RAD50: variants seen among roughly 807,000 people sequenced by gnomAD.
RAD50 encodes DNA repair protein RAD50.
In RAD50, 132 loss-of-function variants were observed where a neutral mutation model predicts 168.8. The observed-to-expected ratio is 0.78, with a 90% CI of 0.68 to 0.90. The LOEUF (loss-of-function observed/expected upper bound fraction) is 0.90, where lower values mean the gene tolerates loss of function less well. Ranked by LOEUF, RAD50 falls within the 40% of genes least tolerant of loss-of-function variation. The pLI is 0.00. For missense variants in RAD50, 1,347 were observed against 1,534.4 expected (o/e 0.88, Z 2.04); for synonymous variants, 525 against 497.4 (o/e 1.06, Z -0.74).
chr5:132,587,666 T>A lies in RAD50; in HGVS notation c.861T>A (p.Ser287Arg), dbSNP rs1042907420. 6.2e-7 allele frequency: 1 copy of A among 1,613,754 alleles called. No homozygotes were observed. Among genetic ancestry groups the A allele is most frequent in the Non-Finnish European group, 8.5e-7 (1 of 1,179,856 alleles). The change falls in exon 6 of 25, where the codon AGT becomes AGA. Residue 287 changes from serine to arginine, a missense_variant. Coordinates refer to ENST00000378823, the MANE Select transcript of RAD50 (RefSeq NM_005732.4). ...AGAAGCAAATGGAGAAAGATAATAG[T>A]GAACTGGAAGAGAAAATGGAAAAGG... ...SRKKQMEKDN[S>R]ELEEKMEKVF...
intron 9 of RAD50, among the ~76,000 whole-genome samples, 165 bp downstream of exon 9, chr5:132,590,002 G>T (rs1393516129): frequency 1.3e-5 from 2 of 152,128 alleles, no homozygotes; most frequent in East Asian, 3.9e-4. Flanking sequence ...CTGACTCTTT[G>T]GTTCTACAAC....
Position 132,643,857 on chromosome 5 carries a change from G to A in RAD50, c.*1493G>A, listed in dbSNP as rs1388362937. On this transcript the variant is annotated 3_prime_UTR_variant, in exon 25 of 25. Transcript: ENST00000378823. ...GATTTCAGAAAATGAAAAATCTGTT[G>A]ATAAATCCATCACTATAATAAAACC... 4 of 231,262 alleles carry A rather than the reference G, an allele frequency of 1.7e-5. No individual in the cohort carries two copies. The highest frequency in any genetic ancestry group is 3.4e-5 in the Non-Finnish European group (4 of 116,962). The allele number at this position is 231,262 out of a possible 1,614,324, so 14.3% of individuals were successfully genotyped here. A position where few individuals can be genotyped will look rare whatever the true frequency, so the allele number is the denominator to read the frequency against.
chr5:132,596,813 A>G (rs1044258269), intron 13 of RAD50, among the ~76,000 whole-genome samples: 10 of 152,240 alleles, frequency 6.6e-5, no homozygotes, highest in African/African-American at 1.9e-4. Context: ...GGAGGAGCCA[A>G]TGGATACAGA....
At chr5:132,588,653 T>C (rs1339864751) in intron 7 of RAD50, 34 bp from the exon 8 acceptor site, 1 of 1,590,998 alleles carries the variant, frequency 6.3e-7, no homozygotes, top group Non-Finnish European at 8.6e-7. Flanking sequence ...AAGCACCAGT[T>C]GAAAAAAAAA....
chr5:132,611,147 T>G (rs1301041327), intron 19 of RAD50, among the ~76,000 whole-genome samples: 1 of 152,122 alleles, frequency 6.6e-6, no homozygotes, highest in African/African-American at 2.4e-5. Flanking sequence ...TCCCAGCACT[T>G]TGGGAGGCCA....
chr5:132,633,568 CTTTTGTT>C (rs897395448), intron 21 of RAD50, among the ~76,000 whole-genome samples: 12 of 151,098 alleles, frequency 7.9e-5, no homozygotes, highest in South Asian at 4.2e-4. Flanking sequence ...TTTACCTTAG[CTTTTGTT>C]TTTTGTTTTT....
intron 21 of RAD50, among the ~76,000 whole-genome samples, chr5:132,620,132 C>A (rs774945007): frequency 6.6e-6 from 1 of 151,902 alleles, no homozygotes; most frequent in Non-Finnish European, 1.5e-5. Flanking sequence ...GTCTCGATTT[C>A]CTGACCTCGT....
intron 22 of RAD50, 73 bp downstream of exon 22, chr5:132,637,273 T>A: frequency 1.3e-6 from 2 of 1,559,834 alleles, no homozygotes. Flanking sequence ...TGACCTCTCA[T>A]CATGCCAGCA....
intron 21 of RAD50, among the ~76,000 whole-genome samples, chr5:132,629,687 C>G (rs1162373205): frequency 6.6e-6 from 1 of 152,144 alleles, no homozygotes; most frequent in African/African-American, 2.4e-5. Flanking sequence ...TACAAAATTT[C>G]CCTCATTCTT....
intron 5 of RAD50, among the ~76,000 whole-genome samples, chr5:132,585,833 A>G (rs985201084): frequency 5.3e-5 from 8 of 152,024 alleles, no homozygotes; most frequent in Admixed American, 2.0e-4. Flanking sequence ...GGCTCAAGCA[A>G]TCAGCCTGCC....
rs1554100862 is a variant in RAD50 at position 132,637,162 on chromosome 5, T to C, written c.3437T>C (p.Ile1146Thr). The change falls in exon 22 of 25, where the codon ATT becomes ACT. Residue 1146 changes from isoleucine to threonine, a missense_variant. By Grantham distance (89) the Ile-to-Thr change is moderately conservative. Coordinates refer to ENST00000378823, the MANE Select transcript of RAD50 (RefSeq NM_005732.4). Reference protein sequence around the residue: ...HSMKMEEINKIIRDLWRSTYR... With the variant: ...HSMKMEEINKTIRDLWRSTYR... ...ATGAAAATGGAAGAAATCAATAAAA[T>C]TATACGTGACCTGTGGCGAAGTACC... is the stretch of plus-strand genomic sequence containing the variant. 1 of 1,612,168 alleles carries C rather than the reference T, an allele frequency of 6.2e-7. No individual in the cohort carries two copies. Among genetic ancestry groups the C allele is most frequent in the Admixed American group, 1.7e-5 (1 of 59,954 alleles).
intron 16 of RAD50, among the ~76,000 whole-genome samples, chr5:132,605,531 G>A (rs1750970038): frequency 6.6e-6 from 1 of 152,068 alleles, no homozygotes; most frequent in South Asian, 2.1e-4. Flanking sequence ...TTTTTCTAGA[G>A]ACAGGGTCTC....
chr5:132,582,719 A>G (rs1052500579), intron 5 of RAD50, among the ~76,000 whole-genome samples: 1 of 151,908 alleles, frequency 6.6e-6, no homozygotes, highest in Admixed American at 6.6e-5. Flanking sequence ...TGGTCCTTCT[A>G]TACTTGATAG....
At chr5:132,642,147 CTAA>C in intron 24 of RAD50, 28 bp from the exon 25 acceptor site, 1 of 1,601,364 alleles carries the variant, frequency 6.2e-7, no homozygotes, top group Non-Finnish European at 8.6e-7. Context: ...ATGCTCTTTA[CTAA>C]TAATATGTTC....
chr5:132,636,979 C>A, intron 21 of RAD50, 136 bp from the exon 22 acceptor site: 2 of 745,198 alleles, frequency 2.7e-6, no homozygotes, highest in Non-Finnish European at 3.4e-6. Flanking sequence ...CTATATTCTA[C>A]TTTTACCATT....
intron 21 of RAD50, among the ~76,000 whole-genome samples, chr5:132,620,767 G>A (rs1203705464): frequency 6.6e-6 from 1 of 152,118 alleles, no homozygotes; most frequent in African/African-American, 2.4e-5. Context: ...ACTGTTGACT[G>A]GAAGCCTTAC....
chr5:132,615,270 G>A (rs538822034), intron 19 of RAD50, among the ~76,000 whole-genome samples: 1 of 152,316 alleles, frequency 6.6e-6, no homozygotes, highest in South Asian at 2.1e-4. Flanking sequence ...GCTGCTAAGT[G>A]TTATTGAGTC....
At chr5:132,589,548 A>G (rs1018692532) in intron 8 of RAD50, 83 bp from the exon 9 acceptor site, 3 of 1,084,446 alleles carry the variant, frequency 2.8e-6, no homozygotes, top group South Asian at 1.7e-5. Context: ...TATTTTCTTC[A>G]GTGTACATAT....
At chr5:132,628,570 GC>G (rs1751407889) in intron 21 of RAD50, among the ~76,000 whole-genome samples, 1 of 152,084 alleles carries the variant, frequency 6.6e-6, no homozygotes, top group African/African-American at 2.4e-5. Context: ...CAGCAGCCGG[GC>G]ACGGTGGCTC....
Sources: allele counts gnomAD v4.1 joint callset (sites outside exome capture counted in the v4.1 genomes callset), GRCh38; gene constraint gnomAD v4.1.1; transcripts MANE v1.5; gene names NCBI Gene and HGNC (gene_info 2026-07-23, HGNC 2026-07-21).